MAD1L1: variants seen among roughly 807,000 people sequenced by gnomAD.
MAD1L1 encodes mitotic arrest deficient 1 like 1, also known as mitotic spindle assembly checkpoint protein MAD1.
Under a neutral mutation model 96.9 loss-of-function variants are expected in MAD1L1, and 95 were observed. That is an observed-to-expected ratio of 0.98 (90% CI 0.83 to 1.16). The LOEUF (loss-of-function observed/expected upper bound fraction) is 1.16, where lower values mean the gene tolerates loss of function less well. Ranked by LOEUF, MAD1L1 falls within the 50% of genes most tolerant of loss-of-function variation. The pLI, the probability that MAD1L1 is intolerant of heterozygous loss-of-function variation, is 0.00. For missense variants in MAD1L1, 1,007 were observed against 954.4 expected (o/e 1.06, Z -0.73); for synonymous variants, 473 against 396.6 (o/e 1.19, Z -2.29).
chr7:2,120,415 G>A (rs1241395759), intron 11 of MAD1L1, among the ~76,000 whole-genome samples: 3 of 152,236 alleles, frequency 2.0e-5, no homozygotes, highest in Admixed American at 6.5e-5. Context: ...AGGACTGGCC[G>A]CCACACCCTG....
At chr7:2,172,567 C>T (rs1790756621) in intron 10 of MAD1L1, among the ~76,000 whole-genome samples, 1 of 152,256 alleles carries the variant, frequency 6.6e-6, no homozygotes, top group African/African-American at 2.4e-5. Flanking sequence ...GAGGGCGCCG[C>T]CGCCAGGACG....
At chr7:2,140,630 C>T (rs973703346) in intron 11 of MAD1L1, among the ~76,000 whole-genome samples, 63 of 152,342 alleles carry the variant, frequency 4.1e-4, no homozygotes, top group Non-Finnish European at 8.1e-4. Context: ...CATCCCAGCA[C>T]GAGGCCAGGC....
At chr7:2,116,219 G>A (rs1388669942) in intron 11 of MAD1L1, among the ~76,000 whole-genome samples, 1 of 152,214 alleles carries the variant, frequency 6.6e-6, no homozygotes, top group Non-Finnish European at 1.5e-5. Flanking sequence ...GGGAGCGAGA[G>A]CCAGGCCCAG....
At chr7:2,059,770 G>A (rs535177206) in intron 12 of MAD1L1, among the ~76,000 whole-genome samples, 3 of 152,192 alleles carry the variant, frequency 2.0e-5, no homozygotes, top group Admixed American at 1.3e-4. Context: ...GAGTGTGCAC[G>A]TCAAACACCA....
chr7:1,964,489 C>T (rs73292420), intron 15 of MAD1L1, among the ~76,000 whole-genome samples: 5,130 of 152,254 alleles, frequency 0.034, 191 homozygotes, highest in East Asian at 0.086. Context: ...AAACTGCTAC[C>T]GCACAGAGAG....
At chr7:2,224,809 TC>T (rs1375183955) in intron 4 of MAD1L1, among the ~76,000 whole-genome samples, 1 of 152,118 alleles carries the variant, frequency 6.6e-6, no homozygotes, top group African/African-American at 2.4e-5. Context: ...CAGGGTGTTT[TC>T]CCTGCTGCCC....
intron 10 of MAD1L1, among the ~76,000 whole-genome samples, chr7:2,152,362 C>T (rs987046710): frequency 7.2e-5 from 11 of 151,852 alleles, no homozygotes; most frequent in African/African-American, 2.2e-4. Flanking sequence ...GGGCAGAAGC[C>T]GCTGGAGGGC....
intron 18 of MAD1L1, among the ~76,000 whole-genome samples, chr7:1,877,581 T>C (rs946688221): frequency 1.4e-4 from 22 of 152,228 alleles, no homozygotes; most frequent in African/African-American, 4.1e-4. Context: ...TAAATATAAA[T>C]GGCATAGATT....
intron 15 of MAD1L1, among the ~76,000 whole-genome samples, chr7:1,969,109 T>C (rs1291903813): frequency 6.6e-6 from 1 of 152,086 alleles, no homozygotes; most frequent in Admixed American, 6.6e-5. Context: ...GTTGGCCAGG[T>C]GTGGTGGCTC....
intron 16 of MAD1L1, among the ~76,000 whole-genome samples, chr7:1,938,902 C>T (rs1450740608): frequency 1.7e-5 from 2 of 117,726 alleles, no homozygotes; most frequent in South Asian, 2.7e-4. Flanking sequence ...GCCAGAGGCG[C>T]GCACACACAC....
At chr7:1,892,804 G>C (rs1256850475) in intron 18 of MAD1L1, among the ~76,000 whole-genome samples, 1 of 152,220 alleles carries the variant, frequency 6.6e-6, no homozygotes, top group Non-Finnish European at 1.5e-5. Context: ...AGCAAGGAAT[G>C]AGGAGCCTGC....
At chr7:1,886,444 C>A (rs556092962) in intron 18 of MAD1L1, among the ~76,000 whole-genome samples, 3 of 152,244 alleles carry the variant, frequency 2.0e-5, no homozygotes, top group Admixed American at 6.5e-5. Context: ...TGTGTCAACA[C>A]GCCCCAGCTA....
At chr7:2,219,544 G>C in intron 5 of MAD1L1, 88 bp from the exon 6 acceptor site, 1 of 1,451,928 alleles carries the variant, frequency 6.9e-7, no homozygotes, top group Non-Finnish European at 9.4e-7. Flanking sequence ...AGAGTGGAGA[G>C]GCGACACCAC....
intron 16 of MAD1L1, among the ~76,000 whole-genome samples, chr7:1,955,633 T>C (rs1383320063): frequency 1.3e-5 from 2 of 152,096 alleles, no homozygotes; most frequent in Non-Finnish European, 2.9e-5. Flanking sequence ...AGGTGTCTGG[T>C]GGGCAGGCAC....
At chr7:1,938,825 G>A (rs1778762207) in intron 16 of MAD1L1, among the ~76,000 whole-genome samples, 1 of 134,324 alleles carries the variant, frequency 7.4e-6, no homozygotes, top group South Asian at 2.5e-4. Flanking sequence ...ACACGGGCCA[G>A]GGCCGGGGCC....
intron 14 of MAD1L1, among the ~76,000 whole-genome samples, chr7:1,999,554 C>T (rs559668558): frequency 6.6e-6 from 1 of 152,274 alleles, no homozygotes; most frequent in East Asian, 1.9e-4. Context: ...AGCGGGACTG[C>T]GGGGACCCTC....
chr7:2,000,989 T>C (rs776885177), intron 14 of MAD1L1, among the ~76,000 whole-genome samples: 98 of 152,308 alleles, frequency 6.4e-4, no homozygotes, highest in Non-Finnish European at 1.8e-4. Context: ...CATCCAACCC[T>C]GTCCCATGAG....
intron 17 of MAD1L1, among the ~76,000 whole-genome samples, chr7:1,936,110 G>A (rs934064196): frequency 2.0e-5 from 3 of 152,206 alleles, no homozygotes; most frequent in Non-Finnish European, 2.9e-5. Context: ...CTGCAGAGTC[G>A]ACACAGCCCC....
intron 16 of MAD1L1, among the ~76,000 whole-genome samples, chr7:1,938,210 G>T (rs1233032259): frequency 7.6e-6 from 1 of 132,166 alleles, no homozygotes; most frequent in African/African-American, 3.0e-5. Context: ...CCACGGCAGG[G>T]AGCTGCAGGG....
Sources: allele counts gnomAD v4.1 joint callset (sites outside exome capture counted in the v4.1 genomes callset), GRCh38; gene constraint gnomAD v4.1.1; transcripts MANE v1.5; gene names NCBI Gene and HGNC (gene_info 2026-07-23, HGNC 2026-07-21).